Variants in KCNIP4 observed in about 807,000 individuals in gnomAD.
KCNIP4 encodes the protein Kv channel-interacting protein 4.
A neutral mutation model predicts 34.0 loss-of-function variants in KCNIP4; 12 were observed. The observed-to-expected ratio is 0.35, with a 90% CI of 0.23 to 0.57. KCNIP4 has a LOEUF of 0.57. Among genes scored for constraint, KCNIP4 ranks in the 20% least tolerant of loss-of-function variants. KCNIP4 has a pLI of 0.83. For missense variants in KCNIP4, 238 were observed against 311.7 expected (o/e 0.76, Z 1.78); for synonymous variants, 124 against 102.2 (o/e 1.21, Z -1.29).
At chr4:21,178,091 C>A (rs1221944179) in intron 1 of KCNIP4, among the ~76,000 whole-genome samples, 1 of 152,074 alleles carries the variant, frequency 6.6e-6, no homozygotes, top group Non-Finnish European at 1.5e-5. Flanking sequence ...CAAATCCCTG[C>A]AGACTTACTT....
intron 1 of KCNIP4, among the ~76,000 whole-genome samples, chr4:21,728,181 A>G (rs1715332505): frequency 6.6e-6 from 1 of 152,182 alleles, no homozygotes; most frequent in South Asian, 2.1e-4. Flanking sequence ...AGACTCATGT[A>G]TCAACACAGC....
At chr4:21,171,008 ACT>A (rs1229484080) in intron 1 of KCNIP4, among the ~76,000 whole-genome samples, 4 of 152,154 alleles carry the variant, frequency 2.6e-5, no homozygotes, top group Non-Finnish European at 5.9e-5. Context: ...GCTCTTTTTA[ACT>A]CTAACTTGTA....
chr4:21,330,224 G>A (rs1180010574), intron 1 of KCNIP4, among the ~76,000 whole-genome samples: 2 of 152,144 alleles, frequency 1.3e-5, no homozygotes, highest in Non-Finnish European at 2.9e-5. Flanking sequence ...TTAGTACAAC[G>A]CTAAGGAGTG....
intron 1 of KCNIP4, among the ~76,000 whole-genome samples, chr4:21,923,048 T>C (rs1315688679): frequency 6.6e-6 from 1 of 152,160 alleles, no homozygotes; most frequent in African/African-American, 2.4e-5. Flanking sequence ...AGAACTGCCG[T>C]AAAATAGATG....
intron 1 of KCNIP4, among the ~76,000 whole-genome samples, chr4:21,203,154 A>T (rs1045004930): frequency 1.3e-5 from 2 of 152,170 alleles, no homozygotes; most frequent in African/African-American, 4.8e-5. Context: ...TGTGCCACCC[A>T]CTTGCATAAC....
intron 1 of KCNIP4, among the ~76,000 whole-genome samples, chr4:21,329,832 T>C (rs1715445714): frequency 6.6e-6 from 1 of 152,234 alleles, no homozygotes; most frequent in African/African-American, 2.4e-5. Context: ...ATTGTTAGCC[T>C]AATTACTGTT....
chr4:21,927,069 AG>A (rs1729287979), intron 1 of KCNIP4, among the ~76,000 whole-genome samples: 1 of 152,142 alleles, frequency 6.6e-6, no homozygotes, highest in Non-Finnish European at 1.5e-5. Flanking sequence ...CCAGCTTTTA[AG>A]GCCACCTACA....
chr4:21,477,211 T>C (rs1428969558), intron 1 of KCNIP4, among the ~76,000 whole-genome samples: 6 of 152,342 alleles, frequency 3.9e-5, no homozygotes, highest in African/African-American at 1.4e-4. Flanking sequence ...TTCAGGTTTT[T>C]TCTTTTGCAA....
chr4:21,625,269 C>T (rs1032011337), intron 1 of KCNIP4, among the ~76,000 whole-genome samples: 4 of 151,984 alleles, frequency 2.6e-5, no homozygotes, highest in African/African-American at 9.7e-5. Context: ...TATTTACCTC[C>T]ATAGGGTATG....
intron 1 of KCNIP4, chr4:21,852,158 G>C (rs1252310393): frequency 6.6e-6 from 1 of 151,904 alleles, no homozygotes; most frequent in Non-Finnish European, 1.5e-5. Context: ...AAGTGTGTGG[G>C]GACCTCCAAG....
At chr4:21,458,352 C>T (rs1729145526) in intron 1 of KCNIP4, among the ~76,000 whole-genome samples, 1 of 151,744 alleles carries the variant, frequency 6.6e-6, no homozygotes, top group Admixed American at 6.6e-5. Flanking sequence ...CATAGTATTC[C>T]ATGGTGTATA....
chr4:21,680,754 T>C (rs1394333381), intron 1 of KCNIP4, among the ~76,000 whole-genome samples: 1 of 152,226 alleles, frequency 6.6e-6, no homozygotes, highest in African/African-American at 2.4e-5. Context: ...AGTAACATTT[T>C]GAAAGTAATC....
chr4:21,267,628 T>G (rs1372120393), intron 1 of KCNIP4, among the ~76,000 whole-genome samples: 2 of 144,692 alleles, frequency 1.4e-5, no homozygotes, highest in African/African-American at 5.1e-5. Flanking sequence ...TGTCTTTGGT[T>G]CTGTTTATAT....
Position 21,110,275 on chromosome 4 carries a change from T to C in KCNIP4, c.62-227566A>G, listed in dbSNP as rs372395711. Among the ~76,000 whole-genome samples the C allele has an allele frequency of 5.9e-4, 90 of 152,294 alleles. 1 individual carries two copies. The South Asian group carries it at 0.018, about 31-fold the overall frequency. On this transcript the variant is annotated intron_variant, in intron 1 of 8. Coordinates refer to ENST00000382152, the MANE Select transcript of KCNIP4 (RefSeq NM_025221.6). The stretch of plus-strand genomic sequence containing the variant: ...TGACCTCTGATTTCAATGTTTATGA[T>C]CATGTAGGTGGGTTTACTTCACTTG...
chr4:21,735,085 TG>T (rs1329526492), intron 1 of KCNIP4, among the ~76,000 whole-genome samples: 2 of 152,072 alleles, frequency 1.3e-5, no homozygotes, highest in Non-Finnish European at 2.9e-5. Flanking sequence ...AATTCAACAG[TG>T]AGATAACATC....
At chr4:21,079,843 A>G (rs1310203988) in intron 1 of KCNIP4, among the ~76,000 whole-genome samples, 1 of 151,764 alleles carries the variant, frequency 6.6e-6, no homozygotes, top group Non-Finnish European at 1.5e-5. Flanking sequence ...AAATGATGCA[A>G]CTGCTAGATT....
intron 1 of KCNIP4, among the ~76,000 whole-genome samples, chr4:21,193,531 G>A (rs574538430): frequency 2.1e-4 from 32 of 150,070 alleles, no homozygotes; most frequent in Non-Finnish European, 4.3e-4. Context: ...AAAGCTCCCT[G>A]TAGCAGTCAT....
chr4:21,499,761 C>T (rs919489242), intron 1 of KCNIP4, among the ~76,000 whole-genome samples: 9 of 152,068 alleles, frequency 5.9e-5, no homozygotes, highest in African/African-American at 2.2e-4. Context: ...AACAATTACA[C>T]AGTCACTTTG....
At chr4:20,739,158 C>A (rs970048298) in intron 5 of KCNIP4, among the ~76,000 whole-genome samples, 1 of 152,196 alleles carries the variant, frequency 6.6e-6, no homozygotes, top group African/African-American at 2.4e-5. Context: ...CCTCTGGGGG[C>A]AGGTCATAGC....
Sources: gnomAD v4.1 joint callset for allele counts (sites outside exome capture counted in the v4.1 genomes callset) on GRCh38, gnomAD v4.1.1 for gene constraint, MANE v1.5 for transcripts, NCBI Gene and HGNC (gene_info 2026-07-23, HGNC 2026-07-21) for gene names.